The following FOXO1 variants were observed in gnomAD, a reference collection of about 807,000 sequenced individuals.
The protein encoded by FOXO1 is forkhead box O1.
In FOXO1, 6 loss-of-function variants were observed where a neutral mutation model predicts 44.1. The ratio of observed to expected loss-of-function variants is 0.14; its 90% CI spans 0.07 to 0.27. FOXO1 has a LOEUF of 0.27. Among genes scored for constraint, FOXO1 ranks in the 10% least tolerant of loss-of-function variants. The pLI is 1.00. For synonymous variants in FOXO1, 380 were observed against 362.7 expected, an observed-to-expected ratio of 1.05 and a Z score of -0.54; for missense variants, 737 against 888.8, an observed-to-expected ratio of 0.83 and a Z score of 2.17.
intron 1 of FOXO1, among the ~76,000 whole-genome samples, chr13:40,579,027 G>A (rs1874865800): frequency 6.6e-6 from 1 of 152,150 alleles, no homozygotes; most frequent in South Asian, 2.1e-4. Flanking sequence ...CTTTCTGACT[G>A]GACACATTTT....
At chr13:40,627,084 G>A (rs1278714179) in intron 1 of FOXO1, among the ~76,000 whole-genome samples, 1 of 152,080 alleles carries the variant, frequency 6.6e-6, no homozygotes, top group African/African-American at 2.4e-5. Context: ...TTAGAACACT[G>A]CAATCACCTT....
intron 1 of FOXO1, among the ~76,000 whole-genome samples, chr13:40,581,177 C>T (rs1874942467): frequency 6.6e-6 from 1 of 152,138 alleles, no homozygotes; most frequent in South Asian, 2.1e-4. Context: ...GTTTTGTGAT[C>T]CCTTAACCCC....
chr13:40,561,941 G>A (rs1405696930), intron 1 of FOXO1, among the ~76,000 whole-genome samples: 5 of 99,540 alleles, frequency 5.0e-5, no homozygotes, highest in Non-Finnish European at 9.5e-5. Context: ...ACACTCTGTC[G>A]CCAAAAAAAA....
At chr13:40,570,266 C>T (rs1350749084) in intron 1 of FOXO1, among the ~76,000 whole-genome samples, 4 of 151,322 alleles carry the variant, frequency 2.6e-5, no homozygotes, top group East Asian at 1.9e-4. Flanking sequence ...GCCAAGATCG[C>T]GCCACTGCAC....
intron 1 of FOXO1, among the ~76,000 whole-genome samples, chr13:40,580,308 C>G (rs901763040): frequency 6.6e-6 from 1 of 152,112 alleles, no homozygotes; most frequent in African/African-American, 2.4e-5. Flanking sequence ...AAACTATATG[C>G]TAACATTTTT....
chr13:40,626,781 C>T (rs1277394422), intron 1 of FOXO1, among the ~76,000 whole-genome samples: 1 of 152,166 alleles, frequency 6.6e-6, no homozygotes, highest in East Asian at 1.9e-4. Flanking sequence ...CCGATGATAC[C>T]AGTCTCAATT....
chr13:40,614,021 T>C (rs916586119), intron 1 of FOXO1, among the ~76,000 whole-genome samples: 3 of 152,238 alleles, frequency 2.0e-5, no homozygotes, highest in African/African-American at 4.8e-5. Context: ...TCTTCTACCA[T>C]GCAACACAGT....
At chr13:40,648,249 C>T (rs1019640682) in intron 1 of FOXO1, among the ~76,000 whole-genome samples, 1 of 152,140 alleles carries the variant, frequency 6.6e-6, no homozygotes, top group Admixed American at 6.5e-5. Context: ...TTGGTAGCAA[C>T]AGAACACTCC....
In FOXO1 at chr13:40,559,787, G is replaced by A. The variant is rs1425439963; in HGVS notation, c.1704C>T (p.His568=). ...VKTPVQVPLP[H]PMQMSALGGY... ...CCCCCAGGGCACTCATCTGCATGGG[G>A]TGGGGCAGAGGCACTTGTACAGGTG... The change falls in exon 2 of 3, where the codon CAC becomes CAT. Residue 568 remains histidine, a synonymous_variant. Coordinates refer to ENST00000379561, the MANE Select transcript of FOXO1 (RefSeq NM_002015.4). The A allele has an allele frequency of 1.2e-6, 2 of 1,613,834 alleles. No homozygotes were observed. Among genetic ancestry groups the A allele is most frequent in the South Asian group, 1.1e-5 (1 of 90,992 alleles).
At chr13:40,576,799 A>G (rs1874763934) in intron 1 of FOXO1, among the ~76,000 whole-genome samples, 1 of 152,214 alleles carries the variant, frequency 6.6e-6, no homozygotes, top group Non-Finnish European at 1.5e-5. Flanking sequence ...TTGAAAACAG[A>G]TTTTAAAAGT....
At chr13:40,636,405 C>G (rs1877153310) in intron 1 of FOXO1, among the ~76,000 whole-genome samples, 1 of 152,036 alleles carries the variant, frequency 6.6e-6, no homozygotes, top group Admixed American at 6.5e-5. Context: ...CCCAGTGGCT[C>G]ATGCCTGTAA....
At chr13:40,628,454 A>G (rs988118009) in intron 1 of FOXO1, among the ~76,000 whole-genome samples, 1 of 151,802 alleles carries the variant, frequency 6.6e-6, no homozygotes, top group African/African-American at 2.4e-5. Context: ...TTGTCACTGT[A>G]CAACCCCCTC....
At position 40,619,586 on chromosome 13, in the gene FOXO1, A is replaced by G. The variant is rs1169488087; in HGVS notation, c.630+45997T>C. 2.4e-5 allele frequency: 36 copies of G among 1,470,388 alleles called. No homozygotes were observed. The South Asian group carries it at 2.8e-4, about 12-fold the overall frequency. The allele number at this position is 1,470,388 out of a possible 1,614,324, so 91.1% of individuals were successfully genotyped here. On this transcript the variant is annotated intron_variant, in intron 1 of 2. Transcript: ENST00000379561. ...CCACTTTCAGATAGTAACAGAGATC[A>G]TATTACAAATAGGCAACAAAGGTCA...
chr13:40,655,637 CTTTT>C (rs774180443), intron 1 of FOXO1, among the ~76,000 whole-genome samples: 2 of 101,318 alleles, frequency 2.0e-5, no homozygotes, highest in Admixed American at 2.5e-4. Flanking sequence ...TTCTACACTT[CTTTT>C]TTTTTTTTTT....
At chr13:40,571,519 C>G (rs1174372825) in intron 1 of FOXO1, among the ~76,000 whole-genome samples, 2 of 152,152 alleles carry the variant, frequency 1.3e-5, no homozygotes, top group Admixed American at 6.5e-5. Flanking sequence ...CCCAGGGAGG[C>G]ACAGAGGCCA....
intron 1 of FOXO1, among the ~76,000 whole-genome samples, chr13:40,571,189 C>T (rs1221640160): frequency 2.2e-5 from 3 of 135,858 alleles, no homozygotes; most frequent in Non-Finnish European, 4.7e-5. Context: ...GATCTGTAGG[C>T]GGAAGGGGAA....
At chr13:40,611,135 G>T in intron 1 of FOXO1, 1 of 427,992 alleles carries the variant, frequency 2.3e-6, no homozygotes, top group Non-Finnish European at 4.7e-6. Context: ...CGTGACTGAG[G>T]ATAAAATGAG....
intron 1 of FOXO1, among the ~76,000 whole-genome samples, chr13:40,663,553 T>A (rs938425584): frequency 6.6e-6 from 1 of 152,070 alleles, no homozygotes; most frequent in African/African-American, 2.4e-5. Flanking sequence ...GCTAATACTC[T>A]GTAACAGCTG....
intron 1 of FOXO1, among the ~76,000 whole-genome samples, chr13:40,609,709 G>T (rs1048960168): frequency 1.8e-4 from 28 of 152,136 alleles, no homozygotes; most frequent in Admixed American, 9.8e-4. Flanking sequence ...TCTTCAGGGT[G>T]GGGGGGAAAA....
Sources: allele counts gnomAD v4.1 joint callset (sites outside exome capture counted in the v4.1 genomes callset), GRCh38; gene constraint gnomAD v4.1.1; transcripts MANE v1.5; gene names NCBI Gene and HGNC (gene_info 2026-07-23, HGNC 2026-07-21).